ADGRL2: variants seen among roughly 807,000 people sequenced by gnomAD.
The protein encoded by ADGRL2 is adhesion G protein-coupled receptor L2, also known as calcium-independent alpha-latrotoxin receptor 2.
In ADGRL2, 44 loss-of-function variants were observed where a neutral mutation model predicts 157.4. The observed-to-expected ratio is 0.28, with a 90% CI of 0.22 to 0.36. ADGRL2 has a LOEUF of 0.36. Ranked by LOEUF, ADGRL2 falls within the 10% of genes least tolerant of loss-of-function variation. The pLI is 1.00. For synonymous variants in ADGRL2, 585 were observed against 624.7 expected, an observed-to-expected ratio of 0.94 and a Z score of 0.95; for missense variants, 1,510 against 1,768.9, an observed-to-expected ratio of 0.85 and a Z score of 2.63.
At chr1:81,873,075 T>C (rs546474432) in intron 2 of ADGRL2, among the ~76,000 whole-genome samples, 12 of 152,260 alleles carry the variant, frequency 7.9e-5, no homozygotes, top group African/African-American at 2.9e-4. Flanking sequence ...CATTTGTTTT[T>C]AATTCAGGCT....
At chr1:81,462,047 A>G (rs1312400268) in intron 2 of ADGRL2, among the ~76,000 whole-genome samples, 1 of 151,892 alleles carries the variant, frequency 6.6e-6, no homozygotes, top group Admixed American at 6.6e-5. Context: ...TTTTCTGTCT[A>G]GCTAGAGGAT....
At chr1:81,611,178 G>T (rs2081533785) in intron 3 of ADGRL2, among the ~76,000 whole-genome samples, 1 of 152,154 alleles carries the variant, frequency 6.6e-6, no homozygotes, top group Admixed American at 6.5e-5. Flanking sequence ...AATGAAATGT[G>T]GTTCTTCATA....
chr1:81,624,448 G>T (rs1244698364), intron 3 of ADGRL2, among the ~76,000 whole-genome samples: 1 of 152,026 alleles, frequency 6.6e-6, no homozygotes, highest in African/African-American at 2.4e-5. Flanking sequence ...AGGCGTGGTG[G>T]CCCGCGCCTG....
At chr1:81,880,403 AGAT>A (rs1173408531) in intron 2 of ADGRL2, among the ~76,000 whole-genome samples, 1 of 152,176 alleles carries the variant, frequency 6.6e-6, no homozygotes, top group Non-Finnish European at 1.5e-5. Context: ...AGTAATTTTA[AGAT>A]ATTGATGCAG....
At chr1:81,455,275 T>C (rs1269144869) in intron 2 of ADGRL2, among the ~76,000 whole-genome samples, 2 of 152,148 alleles carry the variant, frequency 1.3e-5, no homozygotes, top group Non-Finnish European at 2.9e-5. Context: ...CAGAAGCCTG[T>C]GGGCAGAACG....
chr1:81,475,119 G>A lies in ADGRL2; in HGVS notation c.-248+30030G>A, dbSNP rs12040201. On this transcript the variant is annotated intron_variant, in intron 2 of 24. Coordinates refer to the ADGRL2 transcript ENST00000370721. The stretch of plus-strand genomic sequence containing the variant: ...CTAGAGCTCATTGACATCAATTGTT[G>A]CACCTCAAAATCAACAATAAGGATA... Among the ~76,000 whole-genome samples, 1,844 of 152,120 alleles carry A rather than the reference G, an allele frequency of 0.012. 65 individuals carry two copies. The East Asian group carries it at 0.12, about 10-fold the overall frequency.
intron 3 of ADGRL2, among the ~76,000 whole-genome samples, chr1:81,919,668 A>G (rs1324978750): frequency 6.6e-6 from 1 of 152,002 alleles, no homozygotes; most frequent in Non-Finnish European, 1.5e-5. Context: ...ACATTTGATT[A>G]TCTTATGACA....
intron 3 of ADGRL2, among the ~76,000 whole-genome samples, chr1:81,930,767 A>G (rs2095213491): frequency 6.6e-6 from 1 of 152,152 alleles, no homozygotes; most frequent in Non-Finnish European, 1.5e-5. Context: ...GAATTGAACC[A>G]TTGAAACCCT....
intron 3 of ADGRL2, among the ~76,000 whole-genome samples, chr1:81,689,737 C>T (rs143151907): frequency 1.3e-5 from 2 of 152,190 alleles, no homozygotes; most frequent in East Asian, 3.9e-4. Context: ...TGAGTGGAAT[C>T]GGGGGAAGGG....
intron 2 of ADGRL2, among the ~76,000 whole-genome samples, chr1:81,501,598 C>G (rs2078848190): frequency 2.0e-5 from 3 of 152,228 alleles, no homozygotes; most frequent in African/African-American, 7.2e-5. Flanking sequence ...CCGGCTGTGG[C>G]CCCCGGCTGC....
chr1:81,511,127 A>G (rs1337149433), intron 2 of ADGRL2, among the ~76,000 whole-genome samples: 3 of 152,136 alleles, frequency 2.0e-5, no homozygotes, highest in Non-Finnish European at 4.4e-5. Context: ...TTATATCTAT[A>G]ACAATATGAA....
chr1:81,621,334 C>CATAT (rs1201825066), intron 3 of ADGRL2, among the ~76,000 whole-genome samples: 1 of 152,184 alleles, frequency 6.6e-6, no homozygotes, highest in Non-Finnish European at 1.5e-5. Context: ...TGCCCTTGAG[C>CATAT]ATATGCAGGA....
intron 1 of ADGRL2, among the ~76,000 whole-genome samples, chr1:81,741,898 A>T (rs906499887): frequency 1.3e-5 from 2 of 151,944 alleles, no homozygotes; most frequent in African/African-American, 4.8e-5. Context: ...TTTGCCAAGG[A>T]TTTTGATACA....
chr1:81,336,120 C>G (rs184553358), intron 1 of ADGRL2, among the ~76,000 whole-genome samples: 591 of 152,286 alleles, frequency 3.9e-3, no homozygotes, highest in Non-Finnish European at 4.3e-3. Flanking sequence ...TCCTGATTAA[C>G]GTTCAGTGGC....
intron 3 of ADGRL2, among the ~76,000 whole-genome samples, chr1:81,624,208 A>G (rs1053625273): frequency 4.7e-4 from 72 of 152,312 alleles, no homozygotes; most frequent in African/African-American, 1.7e-3. Flanking sequence ...TAAGCTGCCC[A>G]GTTTGTGGTA....
intron 3 of ADGRL2, among the ~76,000 whole-genome samples, chr1:81,620,223 G>A (rs910709518): frequency 6.6e-6 from 1 of 152,098 alleles, no homozygotes; most frequent in African/African-American, 2.4e-5. Context: ...GGCAATACTG[G>A]TACATGGGTA....
chr1:81,979,947 T>C lies in ADGRL2; in HGVS notation c.3100T>C (p.Leu1034=), dbSNP rs375739605. ...SNTLKPDSSR[L]ENIKSWVLGA... Reference sequence around the variant, plus strand: ...CACTTTGAAACCAGATTCTAGCAGGTTGGAAAACATTAAGTAAGTATTTTG... The same window carrying C: ...CACTTTGAAACCAGATTCTAGCAGGCTGGAAAACATTAAGTAAGTATTTTG... The change falls in exon 18 of 24, where the codon TTG becomes CTG. Residue 1034 remains leucine, a synonymous_variant. Coordinates refer to ENST00000686636, the MANE Select transcript of ADGRL2 (RefSeq NM_001366006.2). The C allele has an allele frequency of 1.9e-6, 3 of 1,592,148 alleles. No homozygotes were observed. Among genetic ancestry groups the C allele is most frequent in the Non-Finnish European group, 2.6e-6 (3 of 1,161,576 alleles).
intron 1 of ADGRL2, among the ~76,000 whole-genome samples, chr1:81,401,656 A>G (rs963522413): frequency 6.6e-6 from 1 of 152,166 alleles, no homozygotes; most frequent in Non-Finnish European, 1.5e-5. Flanking sequence ...TGGCATGTTT[A>G]TGAGAGTGCT....
chr1:81,487,709 C>T (rs2078538938), intron 2 of ADGRL2, among the ~76,000 whole-genome samples: 1 of 151,872 alleles, frequency 6.6e-6, no homozygotes, highest in African/African-American at 2.4e-5. Context: ...TACAAAGAAG[C>T]TAAAATTGTA....
Sources: gnomAD v4.1 joint callset for allele counts (sites outside exome capture counted in the v4.1 genomes callset) on GRCh38, gnomAD v4.1.1 for gene constraint, MANE v1.5 for transcripts, NCBI Gene and HGNC (gene_info 2026-07-23, HGNC 2026-07-21) for gene names.